Variants in ATF7 observed in about 807,000 individuals in gnomAD.
The protein encoded by ATF7 is cyclic AMP-dependent transcription factor ATF-7.
Under a neutral mutation model 50.4 loss-of-function variants are expected in ATF7, and 10 were observed. The ratio of observed to expected loss-of-function variants is 0.20; its 90% CI spans 0.12 to 0.34. ATF7 has a LOEUF of 0.34. Ranked by LOEUF, ATF7 falls within the 10% of genes least tolerant of loss-of-function variation. The pLI, the probability that ATF7 is intolerant of heterozygous loss-of-function variation, is 1.00. For synonymous variants in ATF7, 201 were observed against 226.4 expected, an observed-to-expected ratio of 0.89 and a Z score of 1.01; for missense variants, 465 against 613.9, an observed-to-expected ratio of 0.76 and a Z score of 2.56.
intron 2 of ATF7, among the ~76,000 whole-genome samples, chr12:53,579,105 A>T (rs1407425229): frequency 6.6e-6 from 1 of 151,848 alleles, no homozygotes; most frequent in Admixed American, 6.6e-5. Flanking sequence ...AAAATTAGTC[A>T]GGCATGGTGG....
chr12:53,540,676 A>T (rs1230752303), intron 4 of ATF7, among the ~76,000 whole-genome samples: 1 of 151,994 alleles, frequency 6.6e-6, no homozygotes, highest in African/African-American at 2.4e-5. Flanking sequence ...CAGTAAGCCG[A>T]GATTGCGCTA....
chr12:53,577,123 A>G (rs1297323252), intron 2 of ATF7, among the ~76,000 whole-genome samples: 1 of 152,126 alleles, frequency 6.6e-6, no homozygotes, highest in Non-Finnish European at 1.5e-5. Flanking sequence ...AGCTGAGCAA[A>G]GAATCTTTGA....
At chr12:53,609,204 G>C (rs1309741715) in intron 1 of ATF7, among the ~76,000 whole-genome samples, 3 of 151,116 alleles carry the variant, frequency 2.0e-5, no homozygotes, top group Admixed American at 6.6e-5. Flanking sequence ...GCCCAGGCTG[G>C]AGTCCAATGG....
At chr12:53,590,765 C>T (rs1474754898) in intron 2 of ATF7, among the ~76,000 whole-genome samples, 1 of 152,124 alleles carries the variant, frequency 6.6e-6, no homozygotes, top group African/African-American at 2.4e-5. Context: ...CAATCACATG[C>T]TTATCTACTC....
chr12:53,615,177 A>T (rs1426557414), intron 1 of ATF7, among the ~76,000 whole-genome samples: 1 of 151,724 alleles, frequency 6.6e-6, no homozygotes, highest in Non-Finnish European at 1.5e-5. Flanking sequence ...AGGTCAGGAG[A>T]TTGAGACCAT....
At chr12:53,623,828 T>C (rs116783700) in intron 1 of ATF7, among the ~76,000 whole-genome samples, 1,988 of 152,302 alleles carry the variant, frequency 0.013, 40 homozygotes, top group African/African-American at 0.041. Flanking sequence ...TAAGAGTTGG[T>C]TGAAAAAACA....
At chr12:53,525,539 T>A (rs1263218017) in intron 9 of ATF7, among the ~76,000 whole-genome samples, 1 of 152,346 alleles carries the variant, frequency 6.6e-6, no homozygotes, top group East Asian at 1.9e-4. Flanking sequence ...AATGTTCTTA[T>A]CCATTTCACT....
intron 9 of ATF7, 86 bp downstream of exon 9, chr12:53,531,658 C>A (rs1938898505): frequency 2.2e-6 from 3 of 1,391,834 alleles, no homozygotes; most frequent in Non-Finnish European, 2.8e-6. Context: ...GAAGTCCATT[C>A]TTCTCTAATT....
chr12:53,609,040 C>T (rs754698006), intron 1 of ATF7, among the ~76,000 whole-genome samples: 5 of 152,140 alleles, frequency 3.3e-5, no homozygotes, highest in African/African-American at 4.8e-5. Flanking sequence ...TGCCATGGCT[C>T]ACACCTGTAA....
intron 2 of ATF7, among the ~76,000 whole-genome samples, chr12:53,571,743 T>C (rs908951700): frequency 7.9e-5 from 12 of 151,694 alleles, no homozygotes; most frequent in African/African-American, 2.9e-4. Flanking sequence ...GTGAATACTA[T>C]TACATGGCTC....
chr12:53,533,043 G>C, intron 7 of ATF7, 117 bp downstream of exon 7: 1 of 907,090 alleles, frequency 1.1e-6, no homozygotes, highest in Admixed American at 2.2e-5. Flanking sequence ...GCCATGCTCA[G>C]CTAATATAGA....
chr12:53,524,731 C>A lies in ATF7; in HGVS notation c.958G>T (p.Gly320Trp). Residue 320 changes from glycine (G) to tryptophan (W), a missense_variant, in exon 10 of 12, where the codon GGG becomes TGG. By Grantham distance (184) the Gly-to-Trp change is radical. Transcript: ENST00000420353. This position sits in a 1 kb window ranked among gnomAD's most constrained non-coding sequence, Gnocchi z 4.6. ...VSPAQPTPST[G>W]GRRRRTVDED... Reference sequence around the variant, plus strand: ...TCTACTGTGCGCCGCCGTCGCCCCCCAGTACTAGGGGTGGGCTGAGCTGGT... The same window carrying A: ...TCTACTGTGCGCCGCCGTCGCCCCCAAGTACTAGGGGTGGGCTGAGCTGGT... 1 of 1,611,278 alleles carries A rather than the reference C, an allele frequency of 6.2e-7. No individual in the cohort carries two copies. Among genetic ancestry groups the A allele is most frequent in the Admixed American group, 1.7e-5 (1 of 59,606 alleles).
At chr12:53,600,812 G>T in intron 2 of ATF7, 141 bp downstream of exon 2, 1 of 766,272 alleles carries the variant, frequency 1.3e-6, no homozygotes, top group Non-Finnish European at 2.1e-6. Context: ...TCATAACTTG[G>T]ATTTACACAC....
intron 1 of ATF7, among the ~76,000 whole-genome samples, chr12:53,604,693 G>C (rs1205829859): frequency 6.6e-6 from 1 of 152,136 alleles, no homozygotes; most frequent in East Asian, 1.9e-4. Flanking sequence ...CTGTTATCAG[G>C]TTCCTAATGA....
intron 2 of ATF7, among the ~76,000 whole-genome samples, chr12:53,568,094 G>GA (rs904073214): frequency 3.9e-5 from 6 of 152,184 alleles, no homozygotes; most frequent in African/African-American, 1.4e-4. Context: ...TTGAGCTGCT[G>GA]AAAATTTCAC....
Position 53,517,168 on chromosome 12 carries a change from A to T in ATF7, c.1421T>A (p.Met474Lys). ...GCCCGCAGACTGGGACTGTGGGGTC[A>T]TGATTACATGCGATTGTATCGGCAT... ...LSMPIQSHVI[M>K]TPQSQSAGR Residue 474 changes from methionine (M) to lysine (K), a missense_variant, in exon 12 of 12, where the codon ATG becomes AAG. Met to Lys is a moderately conservative substitution (Grantham distance 95). Coordinates refer to ENST00000420353, the MANE Select transcript of ATF7 (RefSeq NM_006856.3). The T allele has an allele frequency of 6.2e-7, 1 of 1,613,564 alleles. No individual in the cohort carries two copies. Among genetic ancestry groups the T allele is most frequent in the Admixed American group, 1.7e-5 (1 of 60,032 alleles).
At chr12:53,574,896 G>C (rs982450048) in intron 2 of ATF7, 17 of 335,642 alleles carry the variant, frequency 5.1e-5, no homozygotes, top group African/African-American at 3.8e-4. Context: ...TGTGCAGAGG[G>C]TGAGCAAGAC....
intron 6 of ATF7, among the ~76,000 whole-genome samples, chr12:53,533,724 C>A (rs985208072): frequency 6.6e-6 from 1 of 152,144 alleles, no homozygotes; most frequent in African/African-American, 2.4e-5. Context: ...GAACAATAAG[C>A]TCTAAGAATC....
chr12:53,549,683 G>A (rs28561571), intron 3 of ATF7, among the ~76,000 whole-genome samples: 1 of 152,082 alleles, frequency 6.6e-6, no homozygotes. Flanking sequence ...AGGTTCAAGT[G>A]ATTCTCCTGC....
Sources: gnomAD v4.1 joint callset for allele counts (sites outside exome capture counted in the v4.1 genomes callset) on GRCh38, gnomAD v4.1.1 for gene constraint, Gnocchi (gnomAD v3.1) non-coding constraint, MANE v1.5 for transcripts, NCBI Gene and HGNC (gene_info 2026-07-23, HGNC 2026-07-21) for gene names.